The following HIPK1 variants were observed in gnomAD, a reference collection of about 807,000 sequenced individuals.
The protein encoded by HIPK1 is homeodomain-interacting protein kinase 1.
In HIPK1, 28 loss-of-function variants were observed where a neutral mutation model predicts 117.1. That is an observed-to-expected ratio of 0.24 (90% CI 0.18 to 0.33). The LOEUF is 0.33. HIPK1 is among the 10% of genes least tolerant of loss of function. The pLI is 1.00. For synonymous variants in HIPK1, 605 were observed against 562.5 expected, an observed-to-expected ratio of 1.08 and a Z score of -1.07; for missense variants, 1,122 against 1,475.1, an observed-to-expected ratio of 0.76 and a Z score of 3.92.
At chr1:113,957,380 G>A in intron 7 of HIPK1, 94 bp downstream of exon 7, 2 of 946,422 alleles carry the variant, frequency 2.1e-6, no homozygotes, top group South Asian at 3.7e-5. Context: ...TTGTTTTGGT[G>A]GTCTTGTTGC....
Position 113,973,164 on chromosome 1 carries a change from C to T in HIPK1, c.3285C>T (p.His1095=). ...QHGSPLHSTG[H]PHLAPAPAHL... is the part of the protein sequence containing the mutation. ...GCAGCCCGCTACACTCGACAGGGCACCCACACCTTGCCCCGGCCCCTGCTC... is the reference window on the plus strand; with the variant it reads ...GCAGCCCGCTACACTCGACAGGGCATCCACACCTTGCCCCGGCCCCTGCTC... The change falls in exon 16 of 16, where the codon CAC becomes CAT. Residue 1095 remains histidine (H), a synonymous_variant. Transcript: ENST00000426820. The T allele has an allele frequency of 1.2e-6, 2 of 1,609,168 alleles. No homozygotes were observed. The highest frequency in any genetic ancestry group is 8.5e-7 in the Non-Finnish European group (1 of 1,177,528).
At chr1:113,937,763 C>T (rs1484504967) in intron 1 of HIPK1, among the ~76,000 whole-genome samples, 2 of 151,926 alleles carry the variant, frequency 1.3e-5, no homozygotes, top group South Asian at 2.1e-4. Context: ...TCGTAGGGAG[C>T]GTTTCTGCAT....
Position 113,941,056 on chromosome 1 carries a change from C to T in HIPK1, c.673C>T (p.Pro225Ser). The T allele has an allele frequency of 6.2e-7, 1 of 1,614,172 alleles. No individual in the cohort carries two copies. The highest frequency in any genetic ancestry group is 8.5e-7 in the Non-Finnish European group (1 of 1,180,040). ...GGCTATTAAAATCTTGAAGAACCACCCCTCCTATGCCAGACAAGGACAGAT... is the reference window on the plus strand; with the variant it reads ...GGCTATTAAAATCTTGAAGAACCACTCCTCCTATGCCAGACAAGGACAGAT... ...IVAIKILKNH[P>S]SYARQGQIEV... The change falls in exon 2 of 16, where the codon CCC becomes TCC. Residue 225 changes from proline (P) to serine (S), a missense_variant. This residue lies in a region of HIPK1 where 62 missense variants were observed against 121.5 expected (regional missense o/e 0.51). Coordinates refer to ENST00000426820, the MANE Select transcript of HIPK1 (RefSeq NM_198268.3). The surrounding 1 kb of genome is among the most constrained non-coding windows in gnomAD (Gnocchi z 4.9).
intron 3 of HIPK1, chr1:113,954,059 T>G (rs1671547195): frequency 6.6e-6 from 1 of 152,320 alleles, no homozygotes; most frequent in South Asian, 2.1e-4. Context: ...CTCCTGGGCT[T>G]AAGTGATCCT....
chr1:113,956,535 T>TAC (rs1050060087), intron 5 of HIPK1, 92 bp from the exon 6 acceptor site: 49 of 820,050 alleles, frequency 6.0e-5, no homozygotes, highest in African/African-American at 1.4e-4. Flanking sequence ...ATTACATATA[T>TAC]ACACACACAC....
chr1:113,946,933 T>TG (rs1449242949), intron 2 of HIPK1, among the ~76,000 whole-genome samples: 2 of 152,212 alleles, frequency 1.3e-5, no homozygotes, highest in African/African-American at 4.8e-5. Flanking sequence ...TTACCCGCAG[T>TG]GGTCCTCTTA....
At chr1:113,968,028 A>T in intron 12 of HIPK1, 80 bp downstream of exon 12, 11 of 1,258,760 alleles carry the variant, frequency 8.7e-6, no homozygotes, top group Non-Finnish European at 1.1e-5. Context: ...TATTGTATAG[A>T]CATATAATAT....
chr1:113,946,670 G>A (rs556376619), intron 2 of HIPK1, among the ~76,000 whole-genome samples: 36 of 152,092 alleles, frequency 2.4e-4, no homozygotes, highest in African/African-American at 8.2e-4. Context: ...GTTACCCTTC[G>A]ACAAAGCTTT....
At chr1:113,945,847 T>C (rs927420261) in intron 2 of HIPK1, among the ~76,000 whole-genome samples, 1 of 152,198 alleles carries the variant, frequency 6.6e-6, no homozygotes, top group Non-Finnish European at 1.5e-5. Context: ...AGGGTCCATA[T>C]AAATTTTAGG....
chr1:113,967,075 G>A (rs1450381796), intron 11 of HIPK1, among the ~76,000 whole-genome samples: 3 of 152,106 alleles, frequency 2.0e-5, no homozygotes, highest in Admixed American at 6.5e-5. Context: ...TGTACTTTTT[G>A]TGGCTGAGTA....
Position 113,958,216 on chromosome 1 carries a change from C to G in HIPK1, c.1906C>G (p.Pro636Ala). The G allele has an allele frequency of 6.2e-7, 1 of 1,614,126 alleles. No homozygotes were observed. The highest frequency in any genetic ancestry group is 8.5e-7 in the Non-Finnish European group (1 of 1,180,014). The change falls in exon 8 of 16, where the codon CCT (proline) becomes GCT (alanine). Residue 636 changes from proline to alanine, a missense_variant. By Grantham distance (27) the Pro-to-Ala change is conservative (BLOSUM62 -1). Transcript: ENST00000426820. ...GVAQQGVSLQ[P>A]GTTQICTQTD... ...TGCCCAGCAGGGTGTTTCCTTGCAG[C>G]CTGGAACCACCCAGATTTGCACTCA...
chr1:113,957,061 G>C (rs1671775391), intron 6 of HIPK1, 63 bp from the exon 7 acceptor site: 4 of 1,327,548 alleles, frequency 3.0e-6, no homozygotes, highest in Admixed American at 3.9e-5. Flanking sequence ...TGTTCATCTT[G>C]AGTTATTTGC....
At chr1:113,969,701 G>A (rs750764259) in intron 13 of HIPK1, among the ~76,000 whole-genome samples, 7 of 152,112 alleles carry the variant, frequency 4.6e-5, no homozygotes, top group Non-Finnish European at 8.8e-5. Context: ...CTTGAGCCCA[G>A]GAATTTGAGA....
chr1:113,952,724 ATGT>A, intron 2 of HIPK1, 39 bp from the exon 3 acceptor site: 1 of 1,261,182 alleles, frequency 7.9e-7, no homozygotes, highest in Non-Finnish European at 1.1e-6. Flanking sequence ...TTCCCAAATA[ATGT>A]TTTTTTTTTT....
In HIPK1 at chr1:113,966,116, G is replaced by T; in HGVS notation, c.2239-14G>T. The T allele has an allele frequency of 6.2e-7, 1 of 1,609,008 alleles. No individual in the cohort carries two copies. Among genetic ancestry groups the T allele is most frequent in the Non-Finnish European group, 8.5e-7 (1 of 1,178,228 alleles). On this transcript the variant is annotated splice_polypyrimidine_tract_variant and intron_variant, in intron 10 of 15. Transcript: ENST00000426820. ...AATCAAGTCTGGATGTTTTTTATGT[G>T]TGTTTCCTTACAGCAGGCGTGGCCT...
chr1:113,965,286 A>T (rs866806949), intron 10 of HIPK1, among the ~76,000 whole-genome samples: 7 of 149,324 alleles, frequency 4.7e-5, no homozygotes, highest in Non-Finnish European at 8.9e-5. Flanking sequence ...ATCCGTTCCC[A>T]TTTTTTTTTT....
chr1:113,962,290 A>G (rs1164149294), intron 8 of HIPK1, 27 bp from the exon 9 acceptor site: 4 of 1,610,492 alleles, frequency 2.5e-6, no homozygotes, highest in African/African-American at 1.3e-5. Flanking sequence ...TTGCAAAACT[A>G]TTTAACTGTG....
At chr1:113,932,577 C>G (rs1185938851) in intron 1 of HIPK1, among the ~76,000 whole-genome samples, 1 of 151,808 alleles carries the variant, frequency 6.6e-6, no homozygotes, top group Non-Finnish European at 1.5e-5. Context: ...TAGGGTTTTG[C>G]CATGTTGGCC....
chr1:113,967,955 C>G lies in HIPK1; in HGVS notation c.2564+7C>G. 6.2e-7 allele frequency: 1 copy of G among 1,602,028 alleles called. No individual in the cohort carries two copies. Among genetic ancestry groups the G allele is most frequent in the Non-Finnish European group, 8.5e-7 (1 of 1,176,648 alleles). On this transcript the variant is annotated splice_region_variant and intron_variant, in intron 12 of 15. Coordinates refer to ENST00000426820, the MANE Select transcript of HIPK1 (RefSeq NM_198268.3). ...CAGCTCCAGTCTCTTCCAAGTGAGT[C>G]TGTGTTACAGCTGATAGTTAAAACT...
Sources: allele counts gnomAD v4.1 joint callset (sites outside exome capture counted in the v4.1 genomes callset), GRCh38; gene constraint gnomAD v4.1.1; regional missense constraint gnomAD v4.1.1; non-coding constraint Gnocchi (gnomAD v3.1); transcripts MANE v1.5; gene names NCBI Gene and HGNC (gene_info 2026-07-23, HGNC 2026-07-21).